Variants in PIP4K2A observed in about 807,000 individuals in gnomAD.
PIP4K2A encodes the protein phosphatidylinositol-5-phosphate 4-kinase type 2 alpha, also known as phosphatidylinositol 5-phosphate 4-kinase type-2 alpha.
PIP4K2A carries 14 observed loss-of-function variants against 42.9 expected under a neutral mutation model. The observed-to-expected ratio is 0.33, with a 90% CI of 0.22 to 0.51. The LOEUF is 0.51. Among genes scored for constraint, PIP4K2A ranks in the 20% least tolerant of loss-of-function variants. The pLI is 0.97. For missense variants in PIP4K2A, 434 were observed against 519.8 expected (o/e 0.83, Z 1.61); for synonymous variants, 192 against 192.2 (o/e 1.00, Z 0.01).
intron 4 of PIP4K2A, among the ~76,000 whole-genome samples, chr10:22,578,265 G>C (rs968897152): frequency 6.6e-6 from 1 of 152,140 alleles, no homozygotes; most frequent in African/African-American, 2.4e-5. Context: ...TCTTGGCAGA[G>C]CTGTCTACGC....
Position 22,714,418 on chromosome 10 carries a change from C to G in PIP4K2A, c.-92G>C. The G allele has an allele frequency of 1.1e-6, 1 of 890,780 alleles. No individual in the cohort carries two copies. Among genetic ancestry groups the G allele is most frequent in the Non-Finnish European group, 1.4e-6 (1 of 720,606 alleles). 55.2% of individuals were successfully genotyped at this position (890,780 alleles called of 1,614,324 possible). A position where few individuals can be genotyped will look rare whatever the true frequency, so the allele number is the denominator to read the frequency against. ...GGCCCGGGGAGGCAGCCGCATCCCC[C>G]CGGCGGCGGCCCCGGCGCGCCGCGC... On this transcript the variant is annotated 5_prime_UTR_variant, in exon 1 of 10. Coordinates refer to ENST00000376573, the MANE Select transcript of PIP4K2A (RefSeq NM_005028.5).
chr10:22,664,392 CTATT>C (rs889584701), intron 1 of PIP4K2A, among the ~76,000 whole-genome samples: 3 of 149,434 alleles, frequency 2.0e-5, no homozygotes, highest in Non-Finnish European at 3.0e-5. Flanking sequence ...TGTTTCCTGG[CTATT>C]TATATTTTTT....
chr10:22,694,172 T>C (rs1839925283), intron 1 of PIP4K2A: 2 of 152,116 alleles, frequency 1.3e-5, no homozygotes, highest in Admixed American at 6.5e-5. Flanking sequence ...ATCTAAGTGA[T>C]GTGTATAGGC....
intron 3 of PIP4K2A, among the ~76,000 whole-genome samples, chr10:22,604,057 T>C (rs1041724834): frequency 6.6e-5 from 10 of 152,120 alleles, no homozygotes; most frequent in African/African-American, 2.4e-4. Flanking sequence ...ATATGTATGT[T>C]ACATGGTACT....
At chr10:22,587,575 A>G (rs1244346957) in intron 4 of PIP4K2A, among the ~76,000 whole-genome samples, 1 of 152,236 alleles carries the variant, frequency 6.6e-6, no homozygotes, top group African/African-American at 2.4e-5. Context: ...CCACAGGGAT[A>G]GAAACACAAA....
intron 3 of PIP4K2A, among the ~76,000 whole-genome samples, chr10:22,595,813 T>C (rs1422257258): frequency 6.6e-6 from 1 of 152,190 alleles, no homozygotes; most frequent in Non-Finnish European, 1.5e-5. Context: ...TTAGTCTCTT[T>C]GAGCCTTAGT....
chr10:22,617,857 C>G (rs1838211889), intron 1 of PIP4K2A, among the ~76,000 whole-genome samples: 1 of 152,128 alleles, frequency 6.6e-6, no homozygotes, highest in Non-Finnish European at 1.5e-5. Context: ...TGAAAAAGGG[C>G]TCACTTTATC....
rs1446145160 is a variant in PIP4K2A, at chr10:22,614,382, A to T, written c.145-4665T>A. Among the ~76,000 whole-genome samples the T allele has an allele frequency of 7.9e-5, 12 of 152,308 alleles. No individual in the cohort carries two copies. The East Asian group carries it at 2.3e-3, about 29-fold the overall frequency. ...GGTACAGCAGTATCTATACCTTCAT[A>T]ATTGAGTAGTGCGGCAGGATACTGA... is the stretch of plus-strand genomic sequence containing the variant. On this transcript the variant is annotated intron_variant, in intron 1 of 9. Coordinates refer to ENST00000376573, the MANE Select transcript of PIP4K2A (RefSeq NM_005028.5).
At chr10:22,556,240 A>C (rs1588623179) in intron 6 of PIP4K2A, among the ~76,000 whole-genome samples, 1 of 152,072 alleles carries the variant, frequency 6.6e-6, no homozygotes, top group Non-Finnish European at 1.5e-5. Context: ...ATCGAAGGTG[A>C]CATGGCCCGA....
intron 9 of PIP4K2A, 199 bp downstream of exon 9, chr10:22,539,772 C>T (rs1053128384): frequency 2.5e-5 from 15 of 590,176 alleles, no homozygotes; most frequent in Non-Finnish European, 4.5e-5. Flanking sequence ...ACGCTCAGAA[C>T]ATGACTTGCC....
At chr10:22,704,211 G>A (rs534949384) in intron 1 of PIP4K2A, among the ~76,000 whole-genome samples, 1 of 152,250 alleles carries the variant, frequency 6.6e-6, no homozygotes, top group South Asian at 2.1e-4. Flanking sequence ...ACACAGGCCT[G>A]GGGCATTCCA....
intron 6 of PIP4K2A, among the ~76,000 whole-genome samples, chr10:22,559,276 T>C (rs1046629820): frequency 6.6e-6 from 1 of 152,200 alleles, no homozygotes; most frequent in Non-Finnish European, 1.5e-5. Flanking sequence ...GGAAGTCTTC[T>C]CTCCACCCCA....
chr10:22,604,007 A>G (rs929911234), intron 3 of PIP4K2A, among the ~76,000 whole-genome samples: 2 of 84,962 alleles, frequency 2.4e-5, no homozygotes, highest in African/African-American at 6.2e-5. Context: ...ACACGCGCGC[A>G]CGCACACACA....
chr10:22,710,950 A>G (rs1395146282), intron 1 of PIP4K2A, among the ~76,000 whole-genome samples: 1 of 152,230 alleles, frequency 6.6e-6, no homozygotes, highest in African/African-American at 2.4e-5. Flanking sequence ...GTCTTGGCTC[A>G]TATCATTCAA....
intron 1 of PIP4K2A, chr10:22,659,725 T>C (rs972137930): frequency 6.6e-6 from 1 of 152,284 alleles, no homozygotes; most frequent in Non-Finnish European, 1.5e-5. Context: ...GGAGAATCGC[T>C]TGAACCTGGA....
chr10:22,672,346 A>G (rs2130861770), intron 1 of PIP4K2A, among the ~76,000 whole-genome samples: 1 of 152,342 alleles, frequency 6.6e-6, no homozygotes, highest in East Asian at 1.9e-4. Context: ...ACTGTCCTTG[A>G]ACAATGAACT....
rs956865317 is a variant in PIP4K2A at position 22,625,664 on chromosome 10, T to C, written c.145-15947A>G. 1.1e-4 allele frequency among the ~76,000 whole-genome samples: 17 copies of C among 152,334 alleles called. 1 individual carries two copies. The highest frequency in any genetic ancestry group is 7.7e-4 in the East Asian group (4 of 5,184). ...TTTGTGATACGATCCTCTCCTCTTC[T>C]ACATGCTCCTGGCATTTAGTTGGCA... On this transcript the variant is annotated intron_variant, in intron 1 of 9. Transcript: ENST00000376573.
Position 22,714,333 on chromosome 10 carries a change from C to T in PIP4K2A, c.-7G>A, listed in dbSNP as rs1833970167. On this transcript the variant is annotated 5_prime_UTR_variant, in exon 1 of 10. Coordinates refer to ENST00000376573, the MANE Select transcript of PIP4K2A (RefSeq NM_005028.5). ...GGTTGCCGGGGGTCGCCATGGCCGC[C>T]TCCTATGTCCCCTCCACCGCCGTGC... 1 of 1,592,904 alleles carries T rather than the reference C, an allele frequency of 6.3e-7. No homozygotes were observed. Among genetic ancestry groups the T allele is most frequent in the Admixed American group, 1.7e-5 (1 of 58,328 alleles).
rs531951403 is a variant in PIP4K2A, at chr10:22,564,518, G to A, written c.678+3333C>T. Among the ~76,000 whole-genome samples the A allele has an allele frequency of 2.0e-5, 3 of 152,308 alleles. No homozygotes were observed. The South Asian group carries it at 6.2e-4, about 32-fold the overall frequency. Reference sequence around the variant, plus strand: ...GCATGTGTGACTCTGTACACACCCTGGCATTTCCTCTGAGGAGAAAATCTC... The same window carrying A: ...GCATGTGTGACTCTGTACACACCCTAGCATTTCCTCTGAGGAGAAAATCTC... On this transcript the variant is annotated intron_variant, in intron 6 of 9. Coordinates refer to ENST00000376573, the MANE Select transcript of PIP4K2A (RefSeq NM_005028.5).
Sources: gnomAD v4.1 joint callset for allele counts (sites outside exome capture counted in the v4.1 genomes callset) on GRCh38, gnomAD v4.1.1 for gene constraint, MANE v1.5 for transcripts, NCBI Gene and HGNC (gene_info 2026-07-23, HGNC 2026-07-21) for gene names.